Variants in KLHL15 observed in about 807,000 individuals in gnomAD.
KLHL15 encodes kelch like family member 15.
A neutral mutation model predicts 29.3 loss-of-function variants in KLHL15; 1 was observed. The ratio of observed to expected loss-of-function variants is 0.03; its 90% CI spans 0.01 to 0.16. The LOEUF (loss-of-function observed/expected upper bound fraction) is 0.16. Among genes scored for constraint, KLHL15 ranks in the 10% least tolerant of loss-of-function variants. The pLI is 1.00. For missense variants in KLHL15, 215 were observed against 478.5 expected, an observed-to-expected ratio of 0.45 and a Z score of 5.14; for synonymous variants, 212 against 184.5, an observed-to-expected ratio of 1.15 and a Z score of -1.21.
intron 2 of KLHL15, among the ~76,000 whole-genome samples, chrX:24,016,366 AAAG>A (rs1246266284): frequency 1.2e-5 from 1 of 83,939 alleles, no homozygotes; most frequent in African/African-American, 6.4e-5. Context: ...AAAAAAAAAA[AAAG>A]GGGGGGTATA....
chrX:23,993,910 G>A (rs1457885811), intron 3 of KLHL15, among the ~76,000 whole-genome samples: 1 of 108,172 alleles, frequency 9.2e-6, no homozygotes, highest in African/African-American at 3.4e-5. Context: ...GCTAGGCGTG[G>A]TGGCATGCAC....
rs1036854346 is a variant in KLHL15 at position 24,025,255 on chromosome X, C to A, written c.-209-197G>T. Among the ~76,000 whole-genome samples the A allele has an allele frequency of 5.4e-5, 6 of 110,318 alleles. No homozygotes were observed. In the East Asian group the frequency reaches 1.4e-3, roughly 27 times the overall value. On this transcript the variant is annotated intron_variant, in intron 1 of 3. Transcript: ENST00000328046. ...AGCAGGCAGAGACAGAAGCACCAGC[C>A]GAGGAAGCGTCGAGGACGGCGTCTC... is the stretch of plus-strand genomic sequence containing the variant.
At chrX:23,990,995 C>T (rs752148947) in intron 3 of KLHL15, among the ~76,000 whole-genome samples, 1 of 110,792 alleles carries the variant, frequency 9.0e-6, no homozygotes, top group East Asian at 2.8e-4. Context: ...GGCTTCACAA[C>T]ATCAGCAAAG....
intron 3 of KLHL15, among the ~76,000 whole-genome samples, chrX:23,992,316 A>G (rs1438369981): frequency 1.8e-5 from 2 of 112,366 alleles, no homozygotes; most frequent in Non-Finnish European, 3.8e-5. Flanking sequence ...GCAGTGTGCA[A>G]AAAGTATCAG....
intron 2 of KLHL15, among the ~76,000 whole-genome samples, chrX:24,014,025 C>A (rs1845769157): frequency 9.3e-6 from 1 of 107,248 alleles, no homozygotes; most frequent in Admixed American, 1.0e-4. Context: ...CCAAGCAACT[C>A]AGGAGGCTGA....
chrX:24,014,044 G>A (rs983451698), intron 2 of KLHL15, among the ~76,000 whole-genome samples: 4 of 107,229 alleles, frequency 3.7e-5, no homozygotes, highest in Non-Finnish European at 7.7e-5. Flanking sequence ...GAGGCAGAAG[G>A]AGCACTTGAA....
intron 2 of KLHL15, among the ~76,000 whole-genome samples, chrX:24,016,362 AAAAAAAG>A (rs1449009958): frequency 5.3e-5 from 5 of 94,189 alleles, no homozygotes; most frequent in African/African-American, 1.8e-4. Flanking sequence ...AAAAAAAAAA[AAAAAAAG>A]GGGGGGTATA....
chrX:24,024,500 G>A (rs1465301356), intron 2 of KLHL15, among the ~76,000 whole-genome samples: 1 of 111,631 alleles, frequency 9.0e-6, no homozygotes, highest in Non-Finnish European at 1.9e-5. Flanking sequence ...CACCCAAGTC[G>A]AACCCAGACC....
intron 2 of KLHL15, among the ~76,000 whole-genome samples, chrX:24,021,825 A>AT (rs1929810569): frequency 9.1e-6 from 1 of 109,596 alleles, no homozygotes; most frequent in Non-Finnish European, 1.9e-5. Context: ...TTTCTCTTCA[A>AT]TAAAAAAAAA....
rs1283198950 is a variant in KLHL15, at chrX:23,987,711, C to A, written c.*210G>T. The A allele has an allele frequency of 2.8e-6, 1 of 358,780 alleles. No homozygotes were observed. Among genetic ancestry groups the A allele is most frequent in the East Asian group, 4.4e-5 (1 of 22,744 alleles). The allele number at this position is 358,780 out of a possible 1,213,427, so 29.6% of individuals were successfully genotyped here. On this transcript the variant is annotated 3_prime_UTR_variant, in exon 4 of 4. Transcript: ENST00000328046. ...ATTCAACTGCTTCTGGAAGTAGTTT[C>A]AAGAGCTAGCACTTAGAATTAACTT...
At chrX:24,012,611 C>T (rs892479707) in intron 2 of KLHL15, among the ~76,000 whole-genome samples, 1 of 112,150 alleles carries the variant, frequency 8.9e-6, no homozygotes, top group Non-Finnish European at 1.9e-5. Flanking sequence ...CCTGGATAAT[C>T]TCTGTCAAGA....
chrX:24,011,087 T>C (rs994429404), intron 2 of KLHL15, among the ~76,000 whole-genome samples: 4 of 108,110 alleles, frequency 3.7e-5, no homozygotes, highest in Admixed American at 1.0e-4. Flanking sequence ...TTCATCAATA[T>C]GTTGTCCATG....
At chrX:24,021,109 T>C (rs980355004) in intron 2 of KLHL15, among the ~76,000 whole-genome samples, 16 of 112,236 alleles carry the variant, frequency 1.4e-4, no homozygotes, top group African/African-American at 4.5e-4. Context: ...AAATTTCAAA[T>C]TCTGAAAAGG....
intron 1 of KLHL15, among the ~76,000 whole-genome samples, chrX:24,026,626 G>A (rs1929939974): frequency 1.1e-5 from 1 of 93,152 alleles, no homozygotes; most frequent in Non-Finnish European, 2.0e-5. Flanking sequence ...AACTTTCCGT[G>A]AGAGGTGTCG....
intron 2 of KLHL15, among the ~76,000 whole-genome samples, chrX:24,009,038 C>A (rs1472480267): frequency 9.0e-6 from 1 of 111,209 alleles, no homozygotes; most frequent in Non-Finnish European, 1.9e-5. Flanking sequence ...ATCTTCTGAT[C>A]AATCACTCTC....
At chrX:24,012,911 A>G (rs1482315401) in intron 2 of KLHL15, among the ~76,000 whole-genome samples, 1 of 111,828 alleles carries the variant, frequency 8.9e-6, no homozygotes, top group Non-Finnish European at 1.9e-5. Flanking sequence ...GAAATTAATA[A>G]CAAATTTTTA....
chrX:24,022,444 G>A (rs1301678098), intron 2 of KLHL15, among the ~76,000 whole-genome samples: 5 of 107,769 alleles, frequency 4.6e-5, no homozygotes, highest in African/African-American at 1.7e-4. Flanking sequence ...GACCAGCCTG[G>A]CCAACATGGT....
chrX:24,003,529 G>T (rs745987344), intron 3 of KLHL15, among the ~76,000 whole-genome samples: 18 of 104,411 alleles, frequency 1.7e-4, no homozygotes, highest in African/African-American at 6.0e-4. Context: ...CTCCAGCCTG[G>T]GCAACAGAGT....
intron 3 of KLHL15, among the ~76,000 whole-genome samples, chrX:24,001,802 CAA>C (rs766669649): frequency 0.12 from 2,771 of 22,225 alleles, 27 homozygotes; most frequent in African/African-American, 0.23. Flanking sequence ...AGACTTGACT[CAA>C]AAAAAAAAAA....
Sources: allele counts gnomAD v4.1 joint callset (sites outside exome capture counted in the v4.1 genomes callset), GRCh38; gene constraint gnomAD v4.1.1; transcripts MANE v1.5; gene names NCBI Gene and HGNC (gene_info 2026-07-23, HGNC 2026-07-21).